The following PAK1 variants were observed in gnomAD, a reference collection of about 807,000 sequenced individuals.
PAK1 encodes the protein p21 (RAC1) activated kinase 1.
A neutral mutation model predicts 67.4 loss-of-function variants in PAK1; 29 were observed. The observed-to-expected ratio is 0.43, with a 90% CI of 0.32 to 0.59. The LOEUF is 0.59. PAK1 is among the 20% of genes least tolerant of loss of function. The probability of loss-of-function intolerance (pLI) is 0.07; values close to 1 mark genes in which losing one functional copy is unlikely to be tolerated. For synonymous variants in PAK1, 223 were observed against 237.4 expected (o/e 0.94, Z 0.56); for missense variants, 337 against 670.7 (o/e 0.50, Z 5.50).
At chr11:77,394,477 CCA>C in intron 1 of PAK1, among the ~76,000 whole-genome samples, 1 of 152,184 alleles carries the variant, frequency 6.6e-6, no homozygotes, top group East Asian at 1.9e-4. Flanking sequence ...ACTGATCCCC[CCA>C]CATCCAGTTT....
At chr11:77,380,081 C>T in intron 2 of PAK1, 87 bp from the exon 3 acceptor site, 2 of 910,954 alleles carry the variant, frequency 2.2e-6, no homozygotes. Context: ...GCTGTAGTCT[C>T]CTTGAGAGGG....
intron 14 of PAK1, among the ~76,000 whole-genome samples, chr11:77,327,843 C>T (rs1225476): frequency 0.69 from 105,090 of 151,936 alleles, 37,245 homozygotes; most frequent in African/African-American, 0.85. Context: ...GACTGGCAGA[C>T]TGGATAAAGA....
chr11:77,512,873 C>T, the PAK1 span, among the ~76,000 whole-genome samples: 2 of 152,128 alleles, frequency 1.3e-5, no homozygotes, highest in African/African-American at 2.4e-5. Flanking sequence ...GCAGGTAGAT[C>T]GCTTGAGCCC....
chr11:77,330,838 G>C (rs1941325776), intron 14 of PAK1, among the ~76,000 whole-genome samples: 1 of 152,154 alleles, frequency 6.6e-6, no homozygotes, highest in Non-Finnish European at 1.5e-5. Context: ...CACCATCAGA[G>C]TGAACAGGCA....
At chr11:77,459,691 TTTTTTTTTTTTTTTTTTTTGAGACGGAG>T (rs1957235810) in intron 1 of PAK1, among the ~76,000 whole-genome samples, 1 of 114,078 alleles carries the variant, frequency 8.8e-6, no homozygotes, top group Non-Finnish European at 1.7e-5. Flanking sequence ...CTTCTTCTTC[TTTTTTTTTTTTTTTTTTTTGAGACGGAG>T]TCTCGCTCTT....
chr11:77,498,671 T>C, the PAK1 span, among the ~76,000 whole-genome samples: 3 of 151,566 alleles, frequency 2.0e-5, no homozygotes, highest in South Asian at 6.3e-4. Flanking sequence ...ATAATTGTAT[T>C]TTTAACACCC....
At chr11:77,386,748 G>A (rs476258) in intron 2 of PAK1, among the ~76,000 whole-genome samples, 68,593 of 151,942 alleles carry the variant, frequency 0.45, 18,457 homozygotes, top group African/African-American at 0.77. Context: ...AAAGGTCTGG[G>A]TGGAATGCAG....
In PAK1 at chr11:77,392,594, G is replaced by A. The variant is rs962174544; in HGVS notation, c.-21-53C>T. 6.4e-6 allele frequency: 9 copies of A among 1,398,424 alleles called. 1 individual carries two copies. The highest frequency in any genetic ancestry group is 3.9e-4 in the Middle Eastern group (2 of 5,064). 86.6% of individuals were successfully genotyped at this position (1,398,424 alleles called of 1,614,324 possible). Reference sequence around the variant, plus strand: ...CTCTTTTATTATTTTTGACCAAAAGGAAATACATGTTAAAAAATTGCAAAG... The same window carrying A: ...CTCTTTTATTATTTTTGACCAAAAGAAAATACATGTTAAAAAATTGCAAAG... On this transcript the variant is annotated intron_variant, in intron 1 of 14. Coordinates refer to ENST00000356341, the MANE Select transcript of PAK1 (RefSeq NM_002576.5).
chr11:77,443,230 A>T (rs992903265), intron 1 of PAK1, among the ~76,000 whole-genome samples: 2 of 150,830 alleles, frequency 1.3e-5, no homozygotes, highest in Non-Finnish European at 2.9e-5. Context: ...CAGGAGAATC[A>T]CTTGAACCCA....
chr11:77,355,767 T>A lies in PAK1; in HGVS notation c.673A>T (p.Thr225Ser). Residue 225 changes from threonine to serine, a missense_variant, in exon 7 of 15, where the codon ACT (threonine) becomes TCT (serine). Physicochemically the swap from Thr to Ser is moderately conservative, Grantham distance 58 (BLOSUM62 1). Transcript: ENST00000356341. Reference protein sequence around the residue: ...RDVATSPISPTENNTTPPDAL... With the variant: ...RDVATSPISPSENNTTPPDAL... ...TCTGGTGGAGTGGTGTTATTTTCAG[T>A]AGGTGAAATGGGAGATGTAGCCACG... 6.2e-7 allele frequency: 1 copy of A among 1,613,214 alleles called. No individual in the cohort carries two copies. The highest frequency in any genetic ancestry group is 1.1e-5 in the South Asian group (1 of 91,062).
At position 77,426,633 on chromosome 11, in the gene PAK1, G is replaced by A. The variant is rs989764681; in HGVS notation, c.-21-34092C>T. On this transcript the variant is annotated intron_variant, in intron 1 of 14. Coordinates refer to ENST00000356341, the MANE Select transcript of PAK1 (RefSeq NM_002576.5). ...CAGTTTCAATTAGCACCAGGCAGAT[G>A]GAATAGTGCTAATCTTAAATTGGGA... Among the ~76,000 whole-genome samples, 7 of 152,152 alleles carry A rather than the reference G, an allele frequency of 4.6e-5. No homozygotes were observed. In the South Asian group the frequency reaches 6.2e-4, roughly 14 times the overall value.
chr11:77,331,042 C>G (rs1388194985), intron 14 of PAK1, among the ~76,000 whole-genome samples: 1 of 152,234 alleles, frequency 6.6e-6, no homozygotes, highest in Non-Finnish European at 1.5e-5. Flanking sequence ...AAATGCTCAT[C>G]ATCACTGGCC....
intron 1 of PAK1, among the ~76,000 whole-genome samples, chr11:77,417,738 CT>C (rs67257981): frequency 0.46 from 66,492 of 144,402 alleles, 16,587 homozygotes; most frequent in African/African-American, 0.69. Context: ...TTTTTCTTTT[CT>C]TTTTTTTTTT....
At chr11:77,528,937 G>A in the PAK1 span, among the ~76,000 whole-genome samples, 1 of 152,262 alleles carries the variant, frequency 6.6e-6, no homozygotes, top group East Asian at 1.9e-4. Flanking sequence ...TTAATGTCTG[G>A]CTGTCCCACT....
intron 5 of PAK1, among the ~76,000 whole-genome samples, chr11:77,363,176 T>A (rs975415901): frequency 3.3e-5 from 5 of 152,068 alleles, no homozygotes; most frequent in Non-Finnish European, 7.4e-5. Context: ...AGGAAAATAG[T>A]GAAGAAGAAA....
At chr11:77,347,127 T>A in intron 9 of PAK1, 3 of 454,726 alleles carry the variant, frequency 6.6e-6, no homozygotes, top group South Asian at 1.6e-5. Context: ...TTAGCCACCC[T>A]GATGGACTCC....
chr11:77,370,005 T>C (rs1336633946), intron 5 of PAK1, among the ~76,000 whole-genome samples: 1 of 152,190 alleles, frequency 6.6e-6, no homozygotes, highest in Non-Finnish European at 1.5e-5. Flanking sequence ...AAGTGAAGGA[T>C]AGATTAGTGT....
At chr11:77,493,528 G>C in the PAK1 span, among the ~76,000 whole-genome samples, 1 of 141,032 alleles carries the variant, frequency 7.1e-6, no homozygotes, top group East Asian at 2.2e-4. Context: ...CCAGACCTCA[G>C]GCAGTCCACC....
upstream of PAK1, chr11:77,476,413 A>G (rs1958061927): frequency 6.6e-6 from 1 of 152,256 alleles, no homozygotes. Context: ...ACTAGGCAGA[A>G]TAATGGCTCA....
Sources: gnomAD v4.1 joint callset for allele counts (sites outside exome capture counted in the v4.1 genomes callset) on GRCh38, gnomAD v4.1.1 for gene constraint, MANE v1.5 for transcripts, NCBI Gene and HGNC (gene_info 2026-07-23, HGNC 2026-07-21) for gene names.